Variants in AP5S1 observed in about 807,000 individuals in gnomAD.
The protein encoded by AP5S1 is AP-5 complex subunit sigma-1.
In AP5S1, 13 loss-of-function variants were observed where a neutral mutation model predicts 13.9. The ratio of observed to expected loss-of-function variants is 0.94; its 90% CI spans 0.61 to 1.49. The LOEUF is 1.49. Among genes scored for constraint, AP5S1 ranks in the 40% most tolerant of loss-of-function variants. AP5S1 has a pLI of 0.00. For missense variants in AP5S1, 292 were observed against 272.3 expected (o/e 1.07, Z -0.51); for synonymous variants, 132 against 121.8 (o/e 1.08, Z -0.55).
rs1174476574 is a variant in AP5S1 at position 3,827,173 on chromosome 20, C to T, written c.*2876C>T. The T allele has an allele frequency of 2.0e-5, 3 of 152,204 alleles. No individual in the cohort carries two copies. Among genetic ancestry groups the T allele is most frequent in the Admixed American group, 1.3e-4 (2 of 15,272 alleles). The allele number at this position is 152,204 out of a possible 1,614,324, so 9.4% of individuals were successfully genotyped here. ...GCAGCTAGTAGTGTTACCAGTGTAC[C>T]TCCACAAACACTCCTGGGACAACAG... is the stretch of plus-strand genomic sequence containing the variant. On this transcript the variant is annotated 3_prime_UTR_variant, in exon 3 of 3. Transcript: ENST00000615891.
intron 2 of AP5S1, 76 bp downstream of exon 2, chr20:3,822,369 C>G: frequency 6.9e-7 from 1 of 1,440,686 alleles, no homozygotes; most frequent in Non-Finnish European, 9.7e-7. Flanking sequence ...GGAGTGGGGA[C>G]GCAGAGAAAT....
intron 1 of AP5S1, 134 bp from the exon 2 acceptor site, chr20:3,821,968 G>T: frequency 1.5e-6 from 2 of 1,364,694 alleles, no homozygotes; most frequent in East Asian, 2.6e-5. Flanking sequence ...TTGTTCAGAT[G>T]CTGTTATTCA....
rs140021524 is a variant in AP5S1 at position 3,822,156 on chromosome 20, G to A, written c.39G>A (p.Pro13=). 3.7e-5 allele frequency: 60 copies of A among 1,614,006 alleles called. No homozygotes were observed. The African/African-American group carries it at 4.0e-4, about 11-fold the overall frequency. ...TCCTCATTCACACCTTGAGGGCCCCGAATACTGAGGACACGGGCCTTTGCC... is the reference window on the plus strand; with the variant it reads ...TCCTCATTCACACCTTGAGGGCCCCAAATACTGAGGACACGGGCCTTTGCC... The part of the protein sequence containing the change: ...HAFLIHTLRA[P]NTEDTGLCRV... The change falls in exon 2 of 3, where the codon CCG becomes CCA. Residue 13 remains proline, a synonymous_variant. Transcript: ENST00000615891.
intron 2 of AP5S1, 81 bp from the exon 3 acceptor site, chr20:3,823,790 A>G (rs1382487466): frequency 6.5e-6 from 10 of 1,534,254 alleles, no homozygotes; most frequent in Admixed American, 1.8e-5. Context: ...GGATGATGGT[A>G]GCTCCCAGCA....
At position 3,828,654 on chromosome 20, in the gene AP5S1, C is replaced by T. The variant is rs2089637528; in HGVS notation, c.*4357C>T. 1 of 152,204 alleles carries T rather than the reference C, an allele frequency of 6.6e-6. No individual in the cohort carries two copies. Among genetic ancestry groups the T allele is most frequent in the African/African-American group, 2.4e-5 (1 of 41,458 alleles). 9.4% of individuals were successfully genotyped at this position (152,204 alleles called of 1,614,324 possible). On this transcript the variant is annotated 3_prime_UTR_variant, in exon 3 of 3. Transcript: ENST00000615891. ...AGCCTTTTCAGATTGACTTCCTTCA[C>T]TTAGTAATGTACATTTAAGATTCCT...
At position 3,824,051 on chromosome 20, in the gene AP5S1, G is replaced by T. The variant is rs545414217; in HGVS notation, c.357G>T (p.Ser119=). The T allele has an allele frequency of 1.9e-6, 3 of 1,613,854 alleles. No individual in the cohort carries two copies. The highest frequency in any genetic ancestry group is 1.1e-5 in the South Asian group (1 of 91,078). ...PRTVVWLGVL[S]LGFALVLDAH... ...CGGTGGTGTGGCTGGGCGTGCTCTCGTTAGGCTTTGCCCTGGTGCTGGATG... is the reference window on the plus strand; with the variant it reads ...CGGTGGTGTGGCTGGGCGTGCTCTCTTTAGGCTTTGCCCTGGTGCTGGATG... The change falls in exon 3 of 3, where the codon TCG becomes TCT. Residue 119 remains serine (S), a synonymous_variant. Coordinates refer to ENST00000615891, the MANE Select transcript of AP5S1 (RefSeq NM_018347.3).
At chr20:3,823,637 C>G (rs6052100) in intron 2 of AP5S1, 101,822 of 985,216 alleles carry the variant, frequency 0.1, 7,162 homozygotes, top group African/African-American at 0.34. Context: ...CTTTTTCAGC[C>G]CAAGGAGCTG....
At chr20:3,823,536 C>G (rs1600425900) in intron 2 of AP5S1, 8 of 985,400 alleles carry the variant, frequency 8.1e-6, no homozygotes, top group Non-Finnish European at 9.6e-6. Context: ...CAGGCTTGAG[C>G]CACCGCGCCT....
chr20:3,824,474 C>A lies in AP5S1; in HGVS notation c.*177C>A. ...GGGTGGAGGAGGTCCTGCCTGTCCT[C>A]AGGTTAGTGGAACCACAGAACTTCC... is the stretch of plus-strand genomic sequence containing the variant. On this transcript the variant is annotated 3_prime_UTR_variant, in exon 3 of 3. Coordinates refer to ENST00000615891, the MANE Select transcript of AP5S1 (RefSeq NM_018347.3). 1 of 661,732 alleles carries A rather than the reference C, an allele frequency of 1.5e-6. No homozygotes were observed. The highest frequency in any genetic ancestry group is 2.5e-6 in the Non-Finnish European group (1 of 393,786). The allele number at this position is 661,732 out of a possible 1,614,324, so 41.0% of individuals were successfully genotyped here. A position where few individuals can be genotyped will look rare whatever the true frequency, so the allele number is the denominator to read the frequency against.
chr20:3,828,720 T>C lies in AP5S1; in HGVS notation c.*4423T>C, dbSNP rs891021655. 6.6e-6 allele frequency: 1 copy of C among 152,278 alleles called. No individual in the cohort carries two copies. Among genetic ancestry groups the C allele is most frequent in the Admixed American group, 6.5e-5 (1 of 15,282 alleles). 9.4% of individuals were successfully genotyped at this position (152,278 alleles called of 1,614,324 possible). A position where few individuals can be genotyped will look rare whatever the true frequency, so the allele number is the denominator to read the frequency against. ...GCTGAATCATGAGCTTGACAGCTCA[T>C]TTTGGAAGTACTGCTGAATAGTATT... On this transcript the variant is annotated 3_prime_UTR_variant, in exon 3 of 3. Coordinates refer to ENST00000615891, the MANE Select transcript of AP5S1 (RefSeq NM_018347.3).
rs1162520028 is a variant in AP5S1 at position 3,823,968 on chromosome 20, G to A, written c.274G>A (p.Glu92Lys). The A allele has an allele frequency of 3.7e-6, 6 of 1,610,774 alleles. No homozygotes were observed. In the East Asian group the frequency reaches 6.7e-5, roughly 18 times the overall value. ...CTCAGATGAGCAAGTGCCGCTGCAC[G>A]AGGCCCCACGTGGGGCTTTCCGCCT... ...QSSDEQVPLHEAPRGAFRLAA... is the reference protein window; with the variant it reads ...QSSDEQVPLHKAPRGAFRLAA... The change falls in exon 3 of 3, where the codon GAG becomes AAG. Residue 92 changes from glutamate (E) to lysine (K), a missense_variant. By Grantham distance (56) the Glu-to-Lys change is moderately conservative. Coordinates refer to ENST00000615891, the MANE Select transcript of AP5S1 (RefSeq NM_018347.3).
At position 3,824,384 on chromosome 20, in the gene AP5S1, C is replaced by CACA; in HGVS notation, c.*87_*88insACA. ...TTGGCATCTCCCTCCTACCCAGCAG[C>CACA]TCTGATGTGCTGCTATACCAGGACA... On this transcript the variant is annotated 3_prime_UTR_variant, in exon 3 of 3. Coordinates refer to ENST00000615891, the MANE Select transcript of AP5S1 (RefSeq NM_018347.3). The CACA allele has an allele frequency of 4.5e-6, 6 of 1,331,574 alleles. No individual in the cohort carries two copies. Among genetic ancestry groups the CACA allele is most frequent in the Non-Finnish European group, 5.2e-6 (5 of 963,232 alleles). The allele number at this position is 1,331,574 out of a possible 1,614,324, so 82.5% of individuals were successfully genotyped here.
chr20:3,828,715 G>A lies in AP5S1; in HGVS notation c.*4418G>A, dbSNP rs1029612424. ...TCATGGCTGAATCATGAGCTTGACA[G>A]CTCATTTTGGAAGTACTGCTGAATA... On this transcript the variant is annotated 3_prime_UTR_variant, in exon 3 of 3. Coordinates refer to ENST00000615891, the MANE Select transcript of AP5S1 (RefSeq NM_018347.3). The A allele has an allele frequency of 6.6e-6, 1 of 152,222 alleles. No homozygotes were observed. Among genetic ancestry groups the A allele is most frequent in the African/African-American group, 2.4e-5 (1 of 41,458 alleles). The allele number at this position is 152,222 out of a possible 1,614,324, so 9.4% of individuals were successfully genotyped here. A position where few individuals can be genotyped will look rare whatever the true frequency, so the allele number is the denominator to read the frequency against.
At chr20:3,823,463 G>A (rs1384194035) in intron 2 of AP5S1, 1 of 809,784 alleles carries the variant, frequency 1.2e-6, no homozygotes, top group African/African-American at 1.9e-5. Flanking sequence ...ATGTTAGCCA[G>A]GATGGTCTCG....
At chr20:3,823,330 C>G (rs1466286650) in intron 2 of AP5S1, among the ~76,000 whole-genome samples, 1 of 152,128 alleles carries the variant, frequency 6.6e-6, no homozygotes, top group Non-Finnish European at 1.5e-5. Context: ...CTCACTGCAA[C>G]CTCCGCCTCC....
At chr20:3,823,310 G>A (rs1196065339) in intron 2 of AP5S1, among the ~76,000 whole-genome samples, 13 of 152,114 alleles carry the variant, frequency 8.5e-5, no homozygotes, top group South Asian at 4.2e-4. Context: ...GTGCAGTGGC[G>A]CAATCTTGGC....
At chr20:3,821,959 T>C in intron 1 of AP5S1, 143 bp from the exon 2 acceptor site, 1 of 1,361,784 alleles carries the variant, frequency 7.3e-7, no homozygotes, top group Non-Finnish European at 9.5e-7. Context: ...TATGTGATGT[T>C]GTTCAGATGC....
rs2089625617 is a variant in AP5S1, at chr20:3,826,487, G to C, written c.*2190G>C. ...TGGAAAGGCTCAAGCTTACTGATCT[G>C]AATTCTTTCTGCCTTTTTTTCAAAC... is the stretch of plus-strand genomic sequence containing the variant. On this transcript the variant is annotated 3_prime_UTR_variant, in exon 3 of 3. Transcript: ENST00000615891. 6.6e-6 allele frequency: 1 copy of C among 152,236 alleles called. No homozygotes were observed. Among genetic ancestry groups the C allele is most frequent in the Admixed American group, 6.5e-5 (1 of 15,274 alleles). 9.4% of individuals were successfully genotyped at this position (152,236 alleles called of 1,614,324 possible).
intron 1 of AP5S1, chr20:3,821,855 T>G: frequency 1.1e-6 from 1 of 938,210 alleles, no homozygotes; most frequent in Non-Finnish European, 1.3e-6. Context: ...TTTTTTTTGT[T>G]TGTTTGTTTG....
Sources: allele counts gnomAD v4.1 joint callset (sites outside exome capture counted in the v4.1 genomes callset), GRCh38; gene constraint gnomAD v4.1.1; transcripts MANE v1.5; gene names NCBI Gene and HGNC (gene_info 2026-07-23, HGNC 2026-07-21).